The following CDH23 variants were observed in gnomAD, a reference collection of about 807,000 sequenced individuals.
The protein encoded by CDH23 is cadherin-23.
CDH23 carries 189 observed loss-of-function variants against 317.1 expected under a neutral mutation model. The ratio of observed to expected loss-of-function variants is 0.60; its 90% CI spans 0.53 to 0.67. CDH23 has a LOEUF of 0.67. Ranked by LOEUF, CDH23 falls within the 30% of genes least tolerant of loss-of-function variation. The pLI is 0.00. For missense variants in CDH23, 4,401 were observed against 4,592.4 expected (o/e 0.96, Z 1.20); for synonymous variants, 1,839 against 1,876.8 (o/e 0.98, Z 0.52).
chr10:71,665,605 A>G (rs1182168987), intron 14 of CDH23, among the ~76,000 whole-genome samples: 1 of 152,238 alleles, frequency 6.6e-6, no homozygotes, highest in Non-Finnish European at 1.5e-5. Context: ...AGGCAGGAGC[A>G]GAGGGCAGTG....
intron 44 of CDH23, among the ~76,000 whole-genome samples, chr10:71,787,863 CTT>C (rs1179622567): frequency 6.6e-6 from 1 of 152,150 alleles, no homozygotes; most frequent in Non-Finnish European, 1.5e-5. Flanking sequence ...GTGTAAGTAT[CTT>C]TTTGATATAA....
At chr10:71,492,854 C>G (rs944960189) in intron 3 of CDH23, among the ~76,000 whole-genome samples, 1 of 152,148 alleles carries the variant, frequency 6.6e-6, no homozygotes, top group East Asian at 1.9e-4. Context: ...GTGGCCTCTT[C>G]CAGATTGTGG....
At chr10:71,628,481 A>G (rs1765681941) in intron 11 of CDH23, among the ~76,000 whole-genome samples, 1 of 152,090 alleles carries the variant, frequency 6.6e-6, no homozygotes, top group African/African-American at 2.4e-5. Flanking sequence ...AGGAATTCAT[A>G]TCAAAGTAAT....
At chr10:71,415,873 G>A (rs1487304180) in intron 1 of CDH23, among the ~76,000 whole-genome samples, 1 of 152,092 alleles carries the variant, frequency 6.6e-6, no homozygotes, top group African/African-American at 2.4e-5. Flanking sequence ...ACTGATTCCA[G>A]TTCTTTGACA....
At chr10:71,793,830 CT>C (rs1449560089) in intron 48 of CDH23, among the ~76,000 whole-genome samples, 190 bp downstream of exon 48, 1 of 152,148 alleles carries the variant, frequency 6.6e-6, no homozygotes, top group Non-Finnish European at 1.5e-5. Flanking sequence ...TCTTTCTCTG[CT>C]TCCTCATCCT....
chr10:71,626,576 T>A (rs1161577766), intron 11 of CDH23, among the ~76,000 whole-genome samples: 1 of 152,220 alleles, frequency 6.6e-6, no homozygotes, highest in Non-Finnish European at 1.5e-5. Context: ...TGGGTGCAGC[T>A]GCCCTCAACT....
intron 3 of CDH23, among the ~76,000 whole-genome samples, chr10:71,483,584 C>A (rs746911744): frequency 6.6e-6 from 1 of 152,178 alleles, no homozygotes; most frequent in Admixed American, 6.5e-5. Flanking sequence ...CGTGCAAGTG[C>A]GTCTTAATCA....
chr10:71,646,891 A>G (rs902618590), intron 14 of CDH23: 4 of 1,429,004 alleles, frequency 2.8e-6, no homozygotes, highest in Non-Finnish European at 2.7e-6. Context: ...AGAGAGACTC[A>G]GTGAGGGTGG....
At chr10:71,434,071 C>T (rs993235731) in intron 1 of CDH23, among the ~76,000 whole-genome samples, 47 of 152,306 alleles carry the variant, frequency 3.1e-4, no homozygotes, top group Non-Finnish European at 7.4e-5. Context: ...CTTCCAGCCA[C>T]GCTGGCCTCC....
At chr10:71,661,521 G>A (rs2132632845) in intron 14 of CDH23, among the ~76,000 whole-genome samples, 1 of 152,242 alleles carries the variant, frequency 6.6e-6, no homozygotes, top group Middle Eastern at 3.4e-3. Context: ...AAAACAGTGA[G>A]GCCAGAGTGT....
chr10:71,415,913 T>G (rs542111914), intron 1 of CDH23, among the ~76,000 whole-genome samples: 2 of 152,384 alleles, frequency 1.3e-5, no homozygotes, highest in Non-Finnish European at 2.9e-5. Context: ...TGGCCCAGCA[T>G]GGGGAATTTT....
At chr10:71,662,376 C>T (rs559075053) in intron 14 of CDH23, among the ~76,000 whole-genome samples, 4 of 152,152 alleles carry the variant, frequency 2.6e-5, no homozygotes, top group Non-Finnish European at 5.9e-5. Flanking sequence ...CAGTGACCAG[C>T]CTCCACCCAG....
intron 1 of CDH23, among the ~76,000 whole-genome samples, chr10:71,412,419 C>T (rs189240911): frequency 4.6e-5 from 7 of 152,266 alleles, no homozygotes; most frequent in Admixed American, 4.6e-4. Context: ...TTTTATATTC[C>T]CACTAGCAAT....
intron 1 of CDH23, among the ~76,000 whole-genome samples, chr10:71,415,591 A>C (rs1000145253): frequency 6.6e-6 from 1 of 152,222 alleles, no homozygotes; most frequent in African/African-American, 2.4e-5. Flanking sequence ...AGATACATAC[A>C]TAGCTCATTG....
chr10:71,461,278 C>T (rs541676290), intron 3 of CDH23, among the ~76,000 whole-genome samples: 1 of 152,374 alleles, frequency 6.6e-6, no homozygotes, highest in South Asian at 2.1e-4. Flanking sequence ...ACCACACTGA[C>T]AGTGGGCATG....
At chr10:71,798,659 C>G (rs1564799653) in intron 50 of CDH23, 81 bp downstream of exon 50, 2 of 1,128,686 alleles carry the variant, frequency 1.8e-6, no homozygotes, top group East Asian at 5.2e-5. Context: ...CACAGCCCCT[C>G]TGTGGCTCCT....
intron 1 of CDH23, among the ~76,000 whole-genome samples, chr10:71,429,528 C>T (rs1458205993): frequency 1.3e-5 from 2 of 152,166 alleles, no homozygotes; most frequent in African/African-American, 4.8e-5. Flanking sequence ...AGAATCTGAT[C>T]AAGCCCAGTG....
intron 14 of CDH23, among the ~76,000 whole-genome samples, chr10:71,658,352 G>A (rs983171085): frequency 3.9e-5 from 6 of 152,250 alleles, no homozygotes; most frequent in Admixed American, 2.0e-4. Flanking sequence ...TGCGGCTGGG[G>A]TGCCCCCGCC....
intron 6 of CDH23, among the ~76,000 whole-genome samples, chr10:71,560,234 C>T (rs1589208371): frequency 6.6e-6 from 1 of 152,316 alleles, no homozygotes; most frequent in African/African-American, 2.4e-5. Context: ...CTCCTCTGCC[C>T]CAGGAGCCCA....
Sources: allele counts gnomAD v4.1 joint callset (sites outside exome capture counted in the v4.1 genomes callset), GRCh38; gene constraint gnomAD v4.1.1; transcripts MANE v1.5; gene names NCBI Gene and HGNC (gene_info 2026-07-23, HGNC 2026-07-21).